FGB: variants seen among roughly 807,000 people sequenced by gnomAD.
The protein encoded by FGB is beta-fibrinogen.
A neutral mutation model predicts 57.9 loss-of-function variants in FGB; 25 were observed. The ratio of observed to expected loss-of-function variants is 0.43; its 90% confidence interval spans 0.31 to 0.60. The LOEUF (loss-of-function observed/expected upper bound fraction) is 0.60, where lower values mean the gene tolerates loss of function less well. Ranked by LOEUF, FGB falls within the 20% of genes least tolerant of loss-of-function variation. The probability of loss-of-function intolerance (pLI) is 0.08; values close to 1 mark genes in which losing one functional copy is unlikely to be tolerated. For missense variants in FGB, 536 were observed against 598.4 expected, an observed-to-expected ratio of 0.90 and a Z score of 1.09; for synonymous variants, 203 against 199.2, an observed-to-expected ratio of 1.02 and a Z score of -0.16.
intron 6 of FGB, 24 bp downstream of exon 6, chr4:154,569,331 A>G: frequency 6.2e-7 from 1 of 1,613,892 alleles, no homozygotes; most frequent in Non-Finnish European, 8.5e-7. Context: ...ATGCAAAATA[A>G]AATCATTCTA....
In FGB at chr4:154,570,728, C is replaced by T. The variant is rs1475533906; in HGVS notation, c.*78C>T. The T allele has an allele frequency of 2.8e-6, 3 of 1,071,122 alleles. No homozygotes were observed. Among genetic ancestry groups the T allele is most frequent in the Admixed American group, 1.9e-5 (1 of 52,820 alleles). 66.4% of individuals were successfully genotyped at this position (1,071,122 alleles called of 1,614,324 possible). A position where few individuals can be genotyped will look rare whatever the true frequency, so the allele number is the denominator to read the frequency against. On this transcript the variant is annotated 3_prime_UTR_variant, in exon 8 of 8. Transcript: ENST00000302068. ...TATGTTATTGGAATTTTCTTTCATA[C>T]ATTATATTCCTCTAAAACTCTCAAG...
At position 154,567,832 on chromosome 4, in the gene FGB, A is replaced by C. The variant is rs1578783589; in HGVS notation, c.718+12A>C. The C allele has an allele frequency of 6.3e-6, 10 of 1,583,342 alleles. No homozygotes were observed. The East Asian group carries it at 2.2e-4, about 35-fold the overall frequency. On this transcript the variant is annotated intron_variant, in intron 4 of 7. Coordinates refer to ENST00000302068, the MANE Select transcript of FGB (RefSeq NM_005141.5). ...GGTGTCTGGCAAAGGTAACTGATTC[A>C]TAAACATATTTTTAGAGAGTTCCAG...
intron 2 of FGB, 56 bp from the exon 3 acceptor site, chr4:154,566,433 C>T: frequency 6.6e-7 from 1 of 1,522,036 alleles, no homozygotes; most frequent in Non-Finnish European, 9.1e-7. Context: ...GCTATTTTAA[C>T]AAATGTCCAT....
In FGB at chr4:154,569,697, A is replaced by T; in HGVS notation, c.1142A>T (p.Asn381Ile). The change falls in exon 7 of 8, where the codon AAT becomes ATT. Residue 381 changes from asparagine (N) to isoleucine (I), a missense_variant. Around this residue, in one of 3 missense-constraint regions of FGB, gnomAD observed 177 missense variants for 193.7 expected, o/e 0.91. Coordinates refer to ENST00000302068, the MANE Select transcript of FGB (RefSeq NM_005141.5). ...SVNKYRGTAGNALMDGASQLM... is the reference protein window; with the variant it reads ...SVNKYRGTAGIALMDGASQLM... ...AACAAATACAGAGGAACAGCCGGTA[A>T]TGCCCTCATGGATGGAGCATCTCAG... 6.2e-7 allele frequency: 1 copy of T among 1,614,168 alleles called. No homozygotes were observed. Among genetic ancestry groups the T allele is most frequent in the Non-Finnish European group, 8.5e-7 (1 of 1,180,016 alleles).
In FGB at chr4:154,568,388, G is replaced by C; in HGVS notation, c.726G>C (p.Glu242Asp). The C allele has an allele frequency of 6.4e-7, 1 of 1,569,324 alleles. No individual in the cohort carries two copies. Among genetic ancestry groups the C allele is most frequent in the African/African-American group, 1.3e-5 (1 of 74,110 alleles). ...GTTGTCTTACATTTGCAGAATGTGA[G>C]GAAATTATCAGGAAAGGAGGTGAAA... is the stretch of plus-strand genomic sequence containing the variant. ...NIPVVSGKEC[E>D]EIIRKGGETS... The change falls in exon 5 of 8, where the codon GAG (glutamate) becomes GAC (aspartate). Residue 242 changes from glutamate (E) to aspartate (D), a missense_variant. By Grantham distance (45) the Glu-to-Asp change is conservative. Coordinates refer to ENST00000302068, the MANE Select transcript of FGB (RefSeq NM_005141.5).
chr4:154,563,314 T>C (rs777288496), intron 1 of FGB, among the ~76,000 whole-genome samples, 182 bp downstream of exon 1: 10 of 151,900 alleles, frequency 6.6e-5, no homozygotes, highest in Non-Finnish European at 1.5e-4. Flanking sequence ...AAAAACAAAG[T>C]AATTTCTTGT....
rs758231685 is a variant in FGB at position 154,570,686 on chromosome 4, A to T, written c.*36A>T. 7 of 1,503,992 alleles carry T rather than the reference A, an allele frequency of 4.7e-6. No homozygotes were observed. The East Asian group carries it at 1.6e-4, about 34-fold the overall frequency. 93.2% of individuals were successfully genotyped at this position (1,503,992 alleles called of 1,614,324 possible). ...GTAGATTTTTGCTCTTCTGTATGTGACAACATTTTTGTACATTATGTTATT... is the reference window on the plus strand; with the variant it reads ...GTAGATTTTTGCTCTTCTGTATGTGTCAACATTTTTGTACATTATGTTATT... On this transcript the variant is annotated 3_prime_UTR_variant, in exon 8 of 8. Coordinates refer to ENST00000302068, the MANE Select transcript of FGB (RefSeq NM_005141.5).
Position 154,570,524 on chromosome 4 carries a change from A to G in FGB, c.1350A>G (p.Gly450=), listed in dbSNP as rs1386815600. 5 of 1,613,994 alleles carry G rather than the reference A, an allele frequency of 3.1e-6. No individual in the cohort carries two copies. Among genetic ancestry groups the G allele is most frequent in the East Asian group, 2.2e-5 (1 of 44,892 alleles). ...ANPNGRYYWG[G]QYTWDMAKHG... ...CAAACGGCAGATACTACTGGGGTGG[A>G]CAGTACACCTGGGACATGGCAAAGC... Residue 450 remains glycine, a synonymous_variant, in exon 8 of 8, where the codon GGA becomes GGG. Transcript: ENST00000302068.
Position 154,570,992 on chromosome 4 carries a change from A to G in FGB, c.*342A>G, listed in dbSNP as rs888908102. The G allele has an allele frequency of 2.8e-6, 1 of 353,520 alleles. No homozygotes were observed. Among genetic ancestry groups the G allele is most frequent in the Non-Finnish European group, 5.4e-6 (1 of 186,508 alleles). 21.9% of individuals were successfully genotyped at this position (353,520 alleles called of 1,614,324 possible). On this transcript the variant is annotated 3_prime_UTR_variant, in exon 8 of 8. Transcript: ENST00000302068. ...GACGGAAAGGAAAAACTGATGTTTA[A>G]AAGTCCACTTTTAAAACTATATTTA... is the stretch of plus-strand genomic sequence containing the variant.
At position 154,570,655 on chromosome 4, in the gene FGB, CA is replaced by C; in HGVS notation, c.*7del. On this transcript the variant is annotated 3_prime_UTR_variant, in exon 8 of 8. Transcript: ENST00000302068. ...CCCTTCTTCCCACAGCAATAGTCCC[CA>C]ATACGTAGATTTTTGCTCTTCTGTA... 6.2e-7 allele frequency: 1 copy of C among 1,606,992 alleles called. No individual in the cohort carries two copies. Among genetic ancestry groups the C allele is most frequent in the Non-Finnish European group, 8.5e-7 (1 of 1,173,610 alleles).
Position 154,565,953 on chromosome 4 carries a change from G to GA in FGB, c.264dup (p.Ala89SerfsTer3). 6.2e-7 allele frequency: 1 copy of GA among 1,614,002 alleles called. No individual in the cohort carries two copies. The highest frequency in any genetic ancestry group is 8.5e-7 in the Non-Finnish European group (1 of 1,180,016). On this transcript the variant is annotated frameshift_variant, in exon 2 of 8. Transcript: ENST00000302068. LOFTEE classifies it high-confidence loss of function. ...GCTGCCACTCAAAAGAAAGTAGAAA[G>GA]AAAAGCCCCTGATGCTGGAGGCTGT...
chr4:154,569,065 A>G, intron 5 of FGB, 117 bp from the exon 6 acceptor site: 9 of 1,162,788 alleles, frequency 7.7e-6, no homozygotes, highest in Non-Finnish European at 1.2e-5. Flanking sequence ...TATTGTGTCT[A>G]TTTTAGAGCA....
chr4:154,566,213 G>A (rs1417232017), intron 2 of FGB, among the ~76,000 whole-genome samples: 1 of 152,136 alleles, frequency 6.6e-6, no homozygotes, highest in Admixed American at 6.5e-5. Context: ...TTTCAAATTA[G>A]GATATGTGGG....
Position 154,568,464 on chromosome 4 carries a change from G to A in FGB, c.802G>A (p.Val268Ile). The stretch of plus-strand genomic sequence containing the variant: ...TGACAGTTCTGTCAAACCGTATAGA[G>A]TATACTGTGACATGAATACAGAAAA... ...QPDSSVKPYRVYCDMNTENGG... is the reference protein window; with the variant it reads ...QPDSSVKPYRIYCDMNTENGG... Residue 268 changes from valine to isoleucine, a missense_variant, in exon 5 of 8, where the codon GTA becomes ATA. Physicochemically the swap from Val to Ile is conservative, Grantham distance 29. Around this residue, in one of 3 missense-constraint regions of FGB, gnomAD observed 354 missense variants for 383.4 expected, o/e 0.92. Transcript: ENST00000302068. The A allele has an allele frequency of 6.3e-7, 1 of 1,589,496 alleles. No individual in the cohort carries two copies. Among genetic ancestry groups the A allele is most frequent in the Non-Finnish European group, 8.6e-7 (1 of 1,157,608 alleles).
chr4:154,567,879 A>T (rs1578783625), intron 4 of FGB, 59 bp downstream of exon 4: 2 of 1,198,504 alleles, frequency 1.7e-6, no homozygotes, highest in East Asian at 2.3e-5. Context: ...CACCAAAAAT[A>T]AGAGAACAAC....
Position 154,569,478 on chromosome 4 carries a change from T to G in FGB, c.959-36T>G, listed in dbSNP as rs758805388. On this transcript the variant is annotated intron_variant, in intron 6 of 7. Coordinates refer to ENST00000302068, the MANE Select transcript of FGB (RefSeq NM_005141.5). ...GGCAGTTTTTAGTTTCCCAAAATTTTATTTTTGGTGAGATTTTATTTTGTT... is the reference window on the plus strand; with the variant it reads ...GGCAGTTTTTAGTTTCCCAAAATTTGATTTTTGGTGAGATTTTATTTTGTT... 1.9e-6 allele frequency: 3 copies of G among 1,600,742 alleles called. No homozygotes were observed. In the African/African-American group the frequency reaches 4.1e-5, roughly 22 times the overall value.
At chr4:154,564,946 A>G (rs1400134796) in intron 1 of FGB, among the ~76,000 whole-genome samples, 4 of 152,224 alleles carry the variant, frequency 2.6e-5, no homozygotes. Context: ...ATCATGTAAG[A>G]AATTTCAAGA....
chr4:154,563,869 T>G (rs1286944196), intron 1 of FGB, among the ~76,000 whole-genome samples: 1 of 151,960 alleles, frequency 6.6e-6, no homozygotes, highest in Non-Finnish European at 1.5e-5. Context: ...ATCAAACGTA[T>G]CATGGCCAAA....
chr4:154,569,123 C>T (rs901417773), intron 5 of FGB, 59 bp from the exon 6 acceptor site: 1 of 1,585,842 alleles, frequency 6.3e-7, no homozygotes, highest in South Asian at 1.1e-5. Flanking sequence ...ATATTATTTT[C>T]AAAGTGACAT....
Sources: allele counts gnomAD v4.1 joint callset (sites outside exome capture counted in the v4.1 genomes callset), GRCh38; gene constraint gnomAD v4.1.1; regional missense constraint gnomAD v4.1.1; transcripts MANE v1.5; gene names NCBI Gene and HGNC (gene_info 2026-07-23, HGNC 2026-07-21).